Variants in GPR158 observed in about 807,000 individuals in gnomAD.
The protein encoded by GPR158 is G protein-coupled receptor 158.
A neutral mutation model predicts 78.2 loss-of-function variants in GPR158; 30 were observed. That is an observed-to-expected ratio of 0.38 (90% CI 0.29 to 0.52). The LOEUF is 0.52. Ranked by LOEUF, GPR158 falls within the 20% of genes least tolerant of loss-of-function variation. GPR158 has a pLI of 0.83. For missense variants in GPR158, 1,463 were observed against 1,523.5 expected (o/e 0.96, Z 0.66); for synonymous variants, 581 against 591.1 (o/e 0.98, Z 0.25).
chr10:25,420,501 C>T (rs1834735423), intron 4 of GPR158, among the ~76,000 whole-genome samples: 1 of 152,080 alleles, frequency 6.6e-6, no homozygotes, highest in Non-Finnish European at 1.5e-5. Context: ...TCTTTTGTCA[C>T]TTGTGCTTTT....
chr10:25,504,593 G>A (rs1835986197), intron 5 of GPR158, among the ~76,000 whole-genome samples: 2 of 152,100 alleles, frequency 1.3e-5, no homozygotes, highest in African/African-American at 4.8e-5. Flanking sequence ...GCCCGCTGGA[G>A]CCCTCCCACT....
intron 5 of GPR158, among the ~76,000 whole-genome samples, chr10:25,517,012 G>C (rs1335398058): frequency 2.0e-5 from 3 of 150,292 alleles, no homozygotes; most frequent in South Asian, 4.1e-4. Context: ...AGCATGGAAT[G>C]CTCTTCCATT....
intron 5 of GPR158, among the ~76,000 whole-genome samples, chr10:25,478,035 G>A (rs1773637): frequency 0.44 from 67,430 of 152,060 alleles, 16,039 homozygotes; most frequent in East Asian, 0.8. Flanking sequence ...TCAGAGAGAA[G>A]TCTGATCATT....
chr10:25,365,625 C>A (rs1019973365), intron 2 of GPR158, among the ~76,000 whole-genome samples: 4 of 151,578 alleles, frequency 2.6e-5, no homozygotes, highest in Admixed American at 1.3e-4. Context: ...ATGGAGTAGA[C>A]AAAATATTCT....
rs1021189441 is a variant in GPR158, at chr10:25,423,620, G to A, written c.1335+11147G>A. ...CTCATTGTTCAATTCCCACCTATGA[G>A]TAAGAACATGCAGTATTTGGTTCTC... On this transcript the variant is annotated intron_variant, in intron 4 of 10. Transcript: ENST00000376351. 2.6e-5 allele frequency among the ~76,000 whole-genome samples: 4 copies of A among 152,126 alleles called. No individual in the cohort carries two copies. In the East Asian group the frequency reaches 7.7e-4, roughly 29 times the overall value.
chr10:25,435,813 AAG>A (rs1355600595), intron 4 of GPR158, among the ~76,000 whole-genome samples: 1 of 152,190 alleles, frequency 6.6e-6, no homozygotes, highest in Non-Finnish European at 1.5e-5. Flanking sequence ...GGGAAATGAC[AAG>A]AAGTCTCTTG....
At chr10:25,204,811 T>G (rs1230819321) in intron 1 of GPR158, among the ~76,000 whole-genome samples, 1 of 147,866 alleles carries the variant, frequency 6.8e-6, no homozygotes, top group Admixed American at 6.6e-5. Context: ...CAAAGTAGTC[T>G]CTGAGGGTTT....
intron 1 of GPR158, among the ~76,000 whole-genome samples, chr10:25,219,378 G>A (rs566736431): frequency 1.3e-5 from 2 of 152,296 alleles, no homozygotes; most frequent in Admixed American, 1.3e-4. Context: ...GGCATGAACT[G>A]GATTAAGGCA....
At chr10:25,558,814 G>A (rs553278530) in intron 6 of GPR158, among the ~76,000 whole-genome samples, 1 of 152,230 alleles carries the variant, frequency 6.6e-6, no homozygotes, top group South Asian at 2.1e-4. Context: ...TGAACTTTTT[G>A]TTATTGATTT....
chr10:25,197,220 T>C (rs2130650220), intron 1 of GPR158, among the ~76,000 whole-genome samples: 1 of 152,306 alleles, frequency 6.6e-6, no homozygotes, highest in Middle Eastern at 3.4e-3. Context: ...AATATCACAT[T>C]CGCCCTTTTA....
At chr10:25,211,495 G>A (rs945721982) in intron 1 of GPR158, among the ~76,000 whole-genome samples, 1 of 152,122 alleles carries the variant, frequency 6.6e-6, no homozygotes, top group Non-Finnish European at 1.5e-5. Flanking sequence ...ATGCACAAGA[G>A]GAGGCCAAAT....
intron 2 of GPR158, among the ~76,000 whole-genome samples, chr10:25,239,832 A>G (rs1367603243): frequency 2.0e-5 from 3 of 152,198 alleles, no homozygotes; most frequent in Non-Finnish European, 4.4e-5. Context: ...AACAAAGCCA[A>G]TAATATACCA....
intron 2 of GPR158, among the ~76,000 whole-genome samples, chr10:25,328,927 C>CAAAAAAAAAAAAAA (rs3054026): frequency 2.2e-5 from 2 of 89,074 alleles, no homozygotes; most frequent in African/African-American, 5.6e-5. Context: ...AACTTCATCA[C>CAAAAAAAAAAAAAA]AAAAAAAAAA....
intron 2 of GPR158, among the ~76,000 whole-genome samples, chr10:25,308,025 C>T (rs965024139): frequency 2.0e-5 from 3 of 152,114 alleles, no homozygotes; most frequent in African/African-American, 4.8e-5. Context: ...TTCCTGTTTT[C>T]CCTTAGCCTC....
chr10:25,361,950 C>T (rs1430122679), intron 2 of GPR158, among the ~76,000 whole-genome samples: 1 of 151,756 alleles, frequency 6.6e-6, no homozygotes, highest in African/African-American at 2.4e-5. Context: ...CTGTTGTGTC[C>T]TTCAGTGCAC....
At chr10:25,534,392 C>T (rs1348515770) in intron 5 of GPR158, among the ~76,000 whole-genome samples, 2 of 152,050 alleles carry the variant, frequency 1.3e-5, no homozygotes, top group Non-Finnish European at 2.9e-5. Flanking sequence ...GTAATCCCAG[C>T]ACTTTGGGAG....
intron 7 of GPR158, among the ~76,000 whole-genome samples, chr10:25,580,740 A>AT (rs1201696165): frequency 6.6e-6 from 1 of 152,008 alleles, no homozygotes; most frequent in Non-Finnish European, 1.5e-5. Context: ...TTTTAAAAAA[A>AT]TTTGAGTCAT....
intron 7 of GPR158, among the ~76,000 whole-genome samples, chr10:25,576,155 A>C (rs1480627582): frequency 6.6e-6 from 1 of 152,088 alleles, no homozygotes; most frequent in Non-Finnish European, 1.5e-5. Context: ...CCTGTCACCC[A>C]AGGGAGTGTA....
intron 1 of GPR158, among the ~76,000 whole-genome samples, chr10:25,212,174 A>G (rs1174777100): frequency 6.6e-6 from 1 of 152,124 alleles, no homozygotes; most frequent in Non-Finnish European, 1.5e-5. Context: ...AATACCTGAG[A>G]CTGGGTAATT....
Sources: gnomAD v4.1 joint callset for allele counts (sites outside exome capture counted in the v4.1 genomes callset) on GRCh38, gnomAD v4.1.1 for gene constraint, MANE v1.5 for transcripts, NCBI Gene and HGNC (gene_info 2026-07-23, HGNC 2026-07-21) for gene names.